GABRA5: variants seen among roughly 807,000 people sequenced by gnomAD.
GABRA5 encodes gamma-aminobutyric acid receptor subunit alpha-5.
GABRA5 carries 18 observed loss-of-function variants against 47.3 expected under a neutral mutation model. That is an observed-to-expected ratio of 0.38 (90% CI 0.26 to 0.56). GABRA5 has a LOEUF of 0.56. Ranked by LOEUF, GABRA5 falls within the 20% of genes least tolerant of loss-of-function variation. The pLI, the probability that GABRA5 is intolerant of heterozygous loss-of-function variation, is 0.71. For missense variants in GABRA5, 365 were observed against 599.3 expected (o/e 0.61, Z 4.08); for synonymous variants, 237 against 229.3 (o/e 1.03, Z -0.30).
chr15:26,933,780 C>G (rs1305717585), intron 7 of GABRA5, among the ~76,000 whole-genome samples: 2 of 152,122 alleles, frequency 1.3e-5, no homozygotes, highest in Non-Finnish European at 2.9e-5. Flanking sequence ...GGCCAAACCC[C>G]ACTCACGTCA....
At chr15:26,876,882 C>T (rs571602355) in intron 3 of GABRA5, among the ~76,000 whole-genome samples, 125 of 152,266 alleles carry the variant, frequency 8.2e-4, no homozygotes, top group Admixed American at 1.2e-3. Context: ...CTATGCAGGA[C>T]CCCCAGTGTG....
intron 6 of GABRA5, among the ~76,000 whole-genome samples, chr15:26,902,879 T>C (rs1893358517): frequency 6.6e-6 from 1 of 152,196 alleles, no homozygotes; most frequent in South Asian, 2.1e-4. Flanking sequence ...AAATGCTTTT[T>C]CTGCATCTAT....
At chr15:26,885,035 G>A (rs1031501678) in intron 6 of GABRA5, among the ~76,000 whole-genome samples, 1 of 152,128 alleles carries the variant, frequency 6.6e-6, no homozygotes, top group Non-Finnish European at 1.5e-5. Context: ...GGTGGCTCAC[G>A]CCTGTAATCC....
chr15:26,887,733 A>G (rs1270600671), intron 6 of GABRA5, among the ~76,000 whole-genome samples: 5 of 152,208 alleles, frequency 3.3e-5, no homozygotes, highest in Non-Finnish European at 5.9e-5. Flanking sequence ...AAGTGACTCC[A>G]TATAGGTTAT....
intron 3 of GABRA5, among the ~76,000 whole-genome samples, chr15:26,879,470 T>TA (rs1482802809): frequency 6.6e-6 from 1 of 152,188 alleles, no homozygotes; most frequent in Non-Finnish European, 1.5e-5. Context: ...ATCACAGAGT[T>TA]AAAAAAGTAT....
intron 8 of GABRA5, chr15:26,939,502 C>T: frequency 1.4e-6 from 1 of 708,914 alleles, no homozygotes; most frequent in South Asian, 1.5e-5. Context: ...CGTCTCACCT[C>T]CCTGGAGCCT....
intron 6 of GABRA5, among the ~76,000 whole-genome samples, chr15:26,901,098 G>A (rs1338256572): frequency 6.6e-6 from 1 of 152,168 alleles, no homozygotes; most frequent in Non-Finnish European, 1.5e-5. Context: ...AGTTTTGGTA[G>A]TTATGAATAA....
intron 6 of GABRA5, among the ~76,000 whole-genome samples, chr15:26,888,469 G>C (rs1428885425): frequency 2.0e-5 from 3 of 152,176 alleles, no homozygotes; most frequent in Non-Finnish European, 2.9e-5. Context: ...TGCAGGGCTG[G>C]AGAGGTTAGG....
At chr15:26,932,718 G>A (rs188617632) in intron 7 of GABRA5, among the ~76,000 whole-genome samples, 1,630 of 152,254 alleles carry the variant, frequency 0.011, 54 homozygotes, top group Admixed American at 0.076. Flanking sequence ...CAACCCAAAT[G>A]CCCATCAATG....
At chr15:26,919,462 AAC>A (rs1329017408) in intron 7 of GABRA5, among the ~76,000 whole-genome samples, 1 of 152,156 alleles carries the variant, frequency 6.6e-6, no homozygotes, top group Admixed American at 6.5e-5. Context: ...TTAAACGTAT[AAC>A]ACTATCTTAT....
intron 7 of GABRA5, among the ~76,000 whole-genome samples, chr15:26,916,667 G>C (rs1893723274): frequency 6.6e-6 from 1 of 151,996 alleles, no homozygotes; most frequent in African/African-American, 2.4e-5. Context: ...TGGGTAGTGT[G>C]GACATTTTAA....
chr15:26,911,551 G>A (rs745400520), intron 6 of GABRA5, among the ~76,000 whole-genome samples: 42 of 152,292 alleles, frequency 2.8e-4, no homozygotes, highest in South Asian at 4.1e-4. Flanking sequence ...ATGGCAGAAG[G>A]AGCGGCTCTG....
chr15:26,870,649 C>A (rs1470981532), intron 3 of GABRA5, among the ~76,000 whole-genome samples: 1 of 151,776 alleles, frequency 6.6e-6, no homozygotes, highest in African/African-American at 2.4e-5. Flanking sequence ...CCCATGCCTT[C>A]AGATTTTTTT....
intron 7 of GABRA5, among the ~76,000 whole-genome samples, chr15:26,931,994 C>G (rs1197919567): frequency 6.6e-6 from 1 of 152,120 alleles, no homozygotes; most frequent in Non-Finnish European, 1.5e-5. Context: ...ATTTAAATGT[C>G]AAACCCAACA....
At chr15:26,924,495 C>A (rs1893912518) in intron 7 of GABRA5, among the ~76,000 whole-genome samples, 1 of 152,158 alleles carries the variant, frequency 6.6e-6, no homozygotes, top group Admixed American at 6.5e-5. Context: ...AGGGAGTTGC[C>A]CCTGCTGGTT....
At chr15:26,880,720 A>T in intron 3 of GABRA5, 126 bp from the exon 4 acceptor site, 1 of 886,166 alleles carries the variant, frequency 1.1e-6, no homozygotes, top group East Asian at 2.6e-5. Context: ...GCACTATGGG[A>T]GCTGTGTTCT....
intron 7 of GABRA5, among the ~76,000 whole-genome samples, chr15:26,918,701 T>G (rs1893772965): frequency 6.6e-6 from 1 of 152,226 alleles, no homozygotes. Context: ...TTACATATTG[T>G]TCTTCTTTAT....
At chr15:26,886,742 C>T (rs540098921) in intron 6 of GABRA5, among the ~76,000 whole-genome samples, 1 of 152,074 alleles carries the variant, frequency 6.6e-6, no homozygotes, top group Admixed American at 6.5e-5. Flanking sequence ...GAGGTGAGAA[C>T]CAGAGCGACT....
intron 6 of GABRA5, among the ~76,000 whole-genome samples, chr15:26,913,923 G>C (rs1332567312): frequency 1.3e-5 from 2 of 152,158 alleles, no homozygotes; most frequent in Non-Finnish European, 2.9e-5. Flanking sequence ...CCACTGAGCA[G>C]CTCTGCATTC....
Sources: allele counts gnomAD v4.1 joint callset (sites outside exome capture counted in the v4.1 genomes callset), GRCh38; gene constraint gnomAD v4.1.1; transcripts MANE v1.5; gene names NCBI Gene and HGNC (gene_info 2026-07-23, HGNC 2026-07-21).